Variants in CHRM3 observed in about 807,000 individuals in gnomAD.
CHRM3 encodes cholinergic receptor muscarinic 3, also known as muscarinic acetylcholine receptor M3.
Under a neutral mutation model 41.8 loss-of-function variants are expected in CHRM3, and 11 were observed. The observed-to-expected ratio is 0.26, with a 90% confidence interval of 0.17 to 0.44. The LOEUF is 0.44. CHRM3 is among the 20% of genes least tolerant of loss of function. CHRM3 has a pLI of 1.00. For missense variants in CHRM3, 571 were observed against 745.4 expected (o/e 0.77, Z 2.72); for synonymous variants, 297 against 301.4 (o/e 0.99, Z 0.15).
At chr1:239,404,150 G>C (rs569872579) in intron 1 of CHRM3, among the ~76,000 whole-genome samples, 2 of 150,930 alleles carry the variant, frequency 1.3e-5, no homozygotes, top group African/African-American at 2.4e-5. Flanking sequence ...TTAGCCAGGC[G>C]TGGTGGTGGG....
chr1:239,733,597 T>C (rs760977000), intron 5 of CHRM3, among the ~76,000 whole-genome samples: 15 of 152,152 alleles, frequency 9.9e-5, no homozygotes, highest in Non-Finnish European at 2.1e-4. Flanking sequence ...CATATAGAGG[T>C]ATTTTAGTTT....
intron 4 of CHRM3, among the ~76,000 whole-genome samples, chr1:239,668,200 G>A (rs1674021273): frequency 1.4e-5 from 2 of 139,950 alleles, no homozygotes; most frequent in East Asian, 2.3e-4. Context: ...CGAGGCCCAA[G>A]CAATTCTCAT....
At chr1:239,819,262 A>T (rs1454948771) in intron 5 of CHRM3, among the ~76,000 whole-genome samples, 1 of 152,190 alleles carries the variant, frequency 6.6e-6, no homozygotes, top group East Asian at 1.9e-4. Context: ...ACAGTCACAG[A>T]TAGGTCTCTT....
intron 3 of CHRM3, among the ~76,000 whole-genome samples, chr1:239,585,422 T>C (rs1351714335): frequency 6.6e-6 from 1 of 152,148 alleles, no homozygotes; most frequent in Non-Finnish European, 1.5e-5. Context: ...TTACTAAGAT[T>C]ACTAAAGGAA....
chr1:239,418,318 T>C (rs1006593690), intron 1 of CHRM3, among the ~76,000 whole-genome samples: 1 of 151,612 alleles, frequency 6.6e-6, no homozygotes, highest in Non-Finnish European at 1.5e-5. Flanking sequence ...CTTTTAGCAG[T>C]GCTTAGATGT....
chr1:239,548,315 TG>T (rs1437838430), intron 3 of CHRM3, among the ~76,000 whole-genome samples: 1 of 152,190 alleles, frequency 6.6e-6, no homozygotes, highest in Non-Finnish European at 1.5e-5. Context: ...TGGGCTGACA[TG>T]TATCACTCAG....
At chr1:239,466,990 C>G (rs1665776403) in intron 1 of CHRM3, among the ~76,000 whole-genome samples, 1 of 152,116 alleles carries the variant, frequency 6.6e-6, no homozygotes, top group South Asian at 2.1e-4. Context: ...CTTAAAGGTA[C>G]TATCATCCTG....
chr1:239,532,808 A>G (rs1325158658), intron 2 of CHRM3, among the ~76,000 whole-genome samples: 1 of 152,180 alleles, frequency 6.6e-6, no homozygotes, highest in Non-Finnish European at 1.5e-5. Flanking sequence ...CTATAAATCT[A>G]TGCATAATCA....
intron 3 of CHRM3, among the ~76,000 whole-genome samples, chr1:239,608,691 G>T (rs1037825464): frequency 1.3e-5 from 2 of 152,148 alleles, no homozygotes; most frequent in Non-Finnish European, 2.9e-5. Flanking sequence ...GAACACGAAC[G>T]AAGGTCAACA....
At chr1:239,637,892 T>TC (rs1670659620) in intron 4 of CHRM3, among the ~76,000 whole-genome samples, 1 of 139,806 alleles carries the variant, frequency 7.2e-6, no homozygotes, top group Non-Finnish European at 1.6e-5. Context: ...TAGGTATATC[T>TC]CCTATGCTAT....
At chr1:239,870,063 C>A (rs371621644) in intron 6 of CHRM3, among the ~76,000 whole-genome samples, 64 of 152,230 alleles carry the variant, frequency 4.2e-4, no homozygotes, top group African/African-American at 1.4e-3. Flanking sequence ...TGAGTCATTC[C>A]TGGGTCCTTG....
chr1:239,848,176 C>T (rs1297395930), intron 6 of CHRM3, among the ~76,000 whole-genome samples: 1 of 152,074 alleles, frequency 6.6e-6, no homozygotes, highest in Non-Finnish European at 1.5e-5. Context: ...ATTTTCATAC[C>T]ATTCAATAAT....
chr1:239,483,580 A>T (rs1667000758), intron 1 of CHRM3, among the ~76,000 whole-genome samples: 1 of 152,232 alleles, frequency 6.6e-6, no homozygotes, highest in African/African-American at 2.4e-5. Context: ...GCTTTGTCAT[A>T]TGCTTGACAT....
intron 1 of CHRM3, among the ~76,000 whole-genome samples, chr1:239,413,934 T>C (rs1349505897): frequency 7.2e-5 from 11 of 152,210 alleles, no homozygotes; most frequent in Admixed American, 1.3e-4. Flanking sequence ...TGATATAATT[T>C]TAAATCATTT....
At chr1:239,580,689 T>TTATA (rs1165930612) in intron 3 of CHRM3, among the ~76,000 whole-genome samples, 3,092 of 65,018 alleles carry the variant, frequency 0.048, 236 homozygotes, top group African/African-American at 0.1. Flanking sequence ...TTGCCCAATT[T>TTATA]TATATATATA....
At chr1:239,900,451 G>A (rs916479097) in intron 6 of CHRM3, among the ~76,000 whole-genome samples, 1 of 149,276 alleles carries the variant, frequency 6.7e-6, no homozygotes, top group African/African-American at 2.5e-5. Flanking sequence ...GGTACCGATA[G>A]GACCTCCGTT....
chr1:239,557,276 T>C (rs1303669791), intron 3 of CHRM3, among the ~76,000 whole-genome samples: 1 of 152,218 alleles, frequency 6.6e-6, no homozygotes, highest in East Asian at 1.9e-4. Context: ...CTGTCTTCTT[T>C]GCCTTGCCAT....
chr1:239,672,765 G>A (rs989356912), intron 4 of CHRM3, among the ~76,000 whole-genome samples: 27 of 152,094 alleles, frequency 1.8e-4, no homozygotes, highest in Non-Finnish European at 4.0e-4. Flanking sequence ...TAATGCAGGG[G>A]GAGGGGCAAG....
chr1:239,644,783 T>G (rs969968138), intron 4 of CHRM3, among the ~76,000 whole-genome samples: 1 of 152,184 alleles, frequency 6.6e-6, no homozygotes, highest in African/African-American at 2.4e-5. Context: ...AGCTTTCAGA[T>G]GAAGCTGCAC....
Sources: gnomAD v4.1 joint callset for allele counts (sites outside exome capture counted in the v4.1 genomes callset) on GRCh38, gnomAD v4.1.1 for gene constraint, MANE v1.5 for transcripts, NCBI Gene and HGNC (gene_info 2026-07-23, HGNC 2026-07-21) for gene names.